Variants in ZNF277 observed in about 807,000 individuals in gnomAD.
ZNF277 encodes the protein nuclear receptor-interacting factor 4.
Under a neutral mutation model 60.7 loss-of-function variants are expected in ZNF277, and 55 were observed. The observed-to-expected ratio is 0.91, with a 90% CI of 0.73 to 1.13. ZNF277 has a LOEUF of 1.13. ZNF277 is among the 50% of genes most tolerant of loss of function. The pLI is 0.00. For synonymous variants in ZNF277, 178 were observed against 179.3 expected (o/e 0.99, Z 0.06); for missense variants, 510 against 523.0 (o/e 0.98, Z 0.24).
At chr7:112,336,625 C>T (rs1793339978) in intron 8 of ZNF277, among the ~76,000 whole-genome samples, 1 of 152,238 alleles carries the variant, frequency 6.6e-6, no homozygotes, top group South Asian at 2.1e-4. Flanking sequence ...GAGAAATGTT[C>T]TTTTCAACCT....
chr7:112,217,784 G>A (rs1378440809), intron 1 of ZNF277, among the ~76,000 whole-genome samples: 2 of 152,152 alleles, frequency 1.3e-5, no homozygotes, highest in African/African-American at 4.8e-5. Context: ...AACCTCCTCA[G>A]TTGTTCCTAG....
At chr7:112,310,600 T>G (rs560785500) in intron 4 of ZNF277, among the ~76,000 whole-genome samples, 8 of 152,224 alleles carry the variant, frequency 5.3e-5, no homozygotes, top group African/African-American at 1.9e-4. Flanking sequence ...AAACATTTAT[T>G]AGAACAAAGT....
chr7:112,281,373 A>G (rs1269411038), intron 1 of ZNF277, among the ~76,000 whole-genome samples: 1 of 152,244 alleles, frequency 6.6e-6, no homozygotes, highest in Admixed American at 6.5e-5. Flanking sequence ...TCATATAAAC[A>G]TCCTCTGGTA....
At chr7:112,220,594 T>G (rs1333590247) in intron 1 of ZNF277, among the ~76,000 whole-genome samples, 1 of 152,206 alleles carries the variant, frequency 6.6e-6, no homozygotes, top group Non-Finnish European at 1.5e-5. Context: ...TGTTCCCTAT[T>G]TTAGAGAAAA....
intron 1 of ZNF277, among the ~76,000 whole-genome samples, chr7:112,265,901 G>A (rs1791539253): frequency 6.6e-6 from 1 of 152,156 alleles, no homozygotes; most frequent in African/African-American, 2.4e-5. Context: ...ACTGAGAGCT[G>A]TTCCTTTACA....
At chr7:112,315,916 TC>T (rs1792834917) in intron 4 of ZNF277, among the ~76,000 whole-genome samples, 1 of 152,140 alleles carries the variant, frequency 6.6e-6, no homozygotes, top group Non-Finnish European at 1.5e-5. Flanking sequence ...GCCCGACCTC[TC>T]CAGATCACTG....
chr7:112,316,736 C>T (rs551173757), intron 4 of ZNF277, among the ~76,000 whole-genome samples: 22 of 152,086 alleles, frequency 1.4e-4, no homozygotes, highest in East Asian at 3.9e-4. Flanking sequence ...TTGTGGAAGA[C>T]GGTGTGGCAA....
intron 6 of ZNF277, among the ~76,000 whole-genome samples, chr7:112,329,721 A>C (rs899376040): frequency 6.6e-6 from 1 of 152,224 alleles, no homozygotes; most frequent in African/African-American, 2.4e-5. Context: ...TAATTATTAC[A>C]TACAATGGGT....
At chr7:112,339,524 G>A (rs983914964) in intron 9 of ZNF277, among the ~76,000 whole-genome samples, 14 of 152,174 alleles carry the variant, frequency 9.2e-5, no homozygotes, top group African/African-American at 3.4e-4. Context: ...TTGCCATGTT[G>A]GCCAGGCTGG....
At chr7:112,294,981 CT>C (rs1792292818) in intron 2 of ZNF277, among the ~76,000 whole-genome samples, 1 of 152,292 alleles carries the variant, frequency 6.6e-6, no homozygotes, top group East Asian at 1.9e-4. Flanking sequence ...TATTCTTCAT[CT>C]ATTTCAATAA....
intron 4 of ZNF277, among the ~76,000 whole-genome samples, chr7:112,313,392 A>G (rs979463525): frequency 7.3e-5 from 11 of 150,736 alleles, no homozygotes; most frequent in Non-Finnish European, 1.5e-4. Context: ...CGATCGTCCC[A>G]CCTCAGTCAG....
At chr7:112,287,875 T>C (rs904607197) in intron 2 of ZNF277, 1 of 145,060 alleles carries the variant, frequency 6.9e-6, no homozygotes, top group Admixed American at 6.7e-5. Flanking sequence ...CTTGAGTCTG[T>C]AAGTTTGAGA....
chr7:112,317,261 C>A (rs1361745805), intron 4 of ZNF277, among the ~76,000 whole-genome samples: 1 of 151,986 alleles, frequency 6.6e-6, no homozygotes, highest in African/African-American at 2.4e-5. Flanking sequence ...CACTATGTAA[C>A]AAACCTGCAT....
rs1276994165 is a variant in ZNF277 at position 112,341,309 on chromosome 7, A to AT, written c.1184+269dup. On this transcript the variant is annotated intron_variant, in intron 11 of 11. Transcript: ENST00000361822. Reference sequence around the variant, plus strand: ...ATGTAGAGAGATGAAGTAGATACAGATTTTTTAAATTATATTTTATTAACA... The same window carrying AT: ...ATGTAGAGAGATGAAGTAGATACAGATTTTTTTAAATTATATTTTATTAACA... Among the ~76,000 whole-genome samples the AT allele has an allele frequency of 3.3e-5, 5 of 152,194 alleles. No homozygotes were observed. In the East Asian group the frequency reaches 9.6e-4, roughly 29 times the overall value.
intron 4 of ZNF277, among the ~76,000 whole-genome samples, chr7:112,303,587 G>T (rs1288688253): frequency 1.3e-5 from 2 of 151,776 alleles, no homozygotes; most frequent in African/African-American, 4.8e-5. Context: ...AATCTCCCAT[G>T]CCCACCTATT....
chr7:112,277,969 T>A (rs897519727), intron 1 of ZNF277, among the ~76,000 whole-genome samples: 5 of 152,212 alleles, frequency 3.3e-5, no homozygotes, highest in African/African-American at 1.2e-4. Flanking sequence ...TTGTTTTTTA[T>A]CTTTTGTCTC....
intron 5 of ZNF277, among the ~76,000 whole-genome samples, chr7:112,325,457 C>T (rs565053613): frequency 6.6e-4 from 101 of 152,302 alleles, no homozygotes; most frequent in African/African-American, 2.4e-3. Flanking sequence ...TAGAACTGTC[C>T]TTGATCCAGA....
At chr7:112,275,408 G>A (rs1355386181) in intron 1 of ZNF277, among the ~76,000 whole-genome samples, 1 of 152,160 alleles carries the variant, frequency 6.6e-6, no homozygotes, top group African/African-American at 2.4e-5. Flanking sequence ...GAAAGAGTAT[G>A]TAAAGTAAGC....
At chr7:112,258,937 A>C (rs762129185) in intron 1 of ZNF277, among the ~76,000 whole-genome samples, 5 of 152,066 alleles carry the variant, frequency 3.3e-5, no homozygotes, top group Admixed American at 6.6e-5. Context: ...CCATGTTAGC[A>C]AATTGATTTT....
Sources: allele counts gnomAD v4.1 joint callset (sites outside exome capture counted in the v4.1 genomes callset), GRCh38; gene constraint gnomAD v4.1.1; transcripts MANE v1.5; gene names NCBI Gene and HGNC (gene_info 2026-07-23, HGNC 2026-07-21).